The following DCHS2 variants were observed in gnomAD, a reference collection of about 807,000 sequenced individuals.
The protein encoded by DCHS2 is protocadherin-23.
DCHS2 carries 142 observed loss-of-function variants against 182.4 expected under a neutral mutation model. The observed-to-expected ratio is 0.78, with a 90% CI of 0.68 to 0.89. DCHS2 has a LOEUF of 0.89. Among genes scored for constraint, DCHS2 ranks in the 40% least tolerant of loss-of-function variants. The pLI is 0.00. For synonymous variants in DCHS2, 1,740 were observed against 1,663.3 expected (o/e 1.05, Z -1.12); for missense variants, 4,319 against 4,198.6 (o/e 1.03, Z -0.79).
At chr4:154,253,240 T>C (rs1732475686) in intron 16 of DCHS2, among the ~76,000 whole-genome samples, 1 of 151,832 alleles carries the variant, frequency 6.6e-6, no homozygotes, top group Non-Finnish European at 1.5e-5. Flanking sequence ...TCTGTGGCAG[T>C]GTGTAGGGGG....
At chr4:154,436,730 T>G (rs1733796155) in intron 1 of DCHS2, among the ~76,000 whole-genome samples, 1 of 152,188 alleles carries the variant, frequency 6.6e-6, no homozygotes, top group Non-Finnish European at 1.5e-5. Flanking sequence ...CTTTTACTGT[T>G]TTATGGTTCA....
intron 1 of DCHS2, among the ~76,000 whole-genome samples, chr4:154,466,933 A>C (rs769755864): frequency 6.6e-6 from 1 of 152,182 alleles, no homozygotes; most frequent in African/African-American, 2.4e-5. Context: ...CTTGGTCAAC[A>C]AGGTTCCAAG....
At chr4:154,385,287 T>C (rs1176360972) in intron 1 of DCHS2, among the ~76,000 whole-genome samples, 1 of 152,210 alleles carries the variant, frequency 6.6e-6, no homozygotes, top group Non-Finnish European at 1.5e-5. Context: ...TATTCCATTG[T>C]GTATATGTGC....
chr4:154,234,343 A>C lies in DCHS2; in HGVS notation c.*193T>G, dbSNP rs928710568. 77 of 734,132 alleles carry C rather than the reference A, an allele frequency of 1.0e-4. No individual in the cohort carries two copies. Among genetic ancestry groups the C allele is most frequent in the Non-Finnish European group, 2.7e-5 (13 of 476,138 alleles). 45.5% of individuals were successfully genotyped at this position (734,132 alleles called of 1,614,324 possible). On this transcript the variant is annotated 3_prime_UTR_variant, in exon 20 of 20. Transcript: ENST00000357232. ...TCCTGAGAGCAACACATAAGGATTA[A>C]AAGAGGAAATAACTTTTCATTAAGG...
At chr4:154,411,006 G>A (rs1000185006) in intron 1 of DCHS2, among the ~76,000 whole-genome samples, 1 of 152,156 alleles carries the variant, frequency 6.6e-6, no homozygotes, top group Admixed American at 6.5e-5. Context: ...AACAAAAACT[G>A]TCAGTCAAGA....
chr4:154,309,136 A>T (rs1735575748), intron 10 of DCHS2, among the ~76,000 whole-genome samples: 1 of 152,110 alleles, frequency 6.6e-6, no homozygotes, highest in Non-Finnish European at 1.5e-5. Context: ...CTTTCTGCTG[A>T]GGCCTTTGTA....
At chr4:154,268,375 A>T (rs1374521962) in intron 14 of DCHS2, among the ~76,000 whole-genome samples, 1 of 152,188 alleles carries the variant, frequency 6.6e-6, no homozygotes, top group Non-Finnish European at 1.5e-5. Flanking sequence ...TGTGACAGTG[A>T]AACTGAGAAT....
Position 154,233,629 on chromosome 4 carries a change from T to G in DCHS2, c.*907A>C, listed in dbSNP as rs2111072154. The G allele has an allele frequency of 6.6e-6, 1 of 152,246 alleles. No homozygotes were observed. Among genetic ancestry groups the G allele is most frequent in the South Asian group, 2.1e-4 (1 of 4,812 alleles). The allele number at this position is 152,246 out of a possible 1,614,324, so 9.4% of individuals were successfully genotyped here. On this transcript the variant is annotated 3_prime_UTR_variant, in exon 20 of 20. Transcript: ENST00000357232. Reference sequence around the variant, plus strand: ...TATTTCACACAAAAAAGTTACTGTATCTAGAAGAAAATAAAATGAAGACAT... The same window carrying G: ...TATTTCACACAAAAAAGTTACTGTAGCTAGAAGAAAATAAAATGAAGACAT...
intron 1 of DCHS2, among the ~76,000 whole-genome samples, chr4:154,389,538 C>A (rs1207162537): frequency 2.6e-4 from 15 of 58,762 alleles, no homozygotes; most frequent in Non-Finnish European, 6.1e-4. Flanking sequence ...ATATATATAA[C>A]CTTTTTTTAA....
chr4:154,379,505 T>A (rs1020857203), intron 1 of DCHS2, among the ~76,000 whole-genome samples: 1 of 152,156 alleles, frequency 6.6e-6, no homozygotes, highest in African/African-American at 2.4e-5. Flanking sequence ...TAGTGAAACT[T>A]AAGCACGAGG....
At chr4:154,303,804 T>C (rs1735319038) in intron 12 of DCHS2, among the ~76,000 whole-genome samples, 1 of 152,210 alleles carries the variant, frequency 6.6e-6, no homozygotes, top group Non-Finnish European at 1.5e-5. Flanking sequence ...TGTTGAAAAC[T>C]GATAATAATG....
At position 154,348,358 on chromosome 4, in the gene DCHS2, G is replaced by A. The variant is rs74535194; in HGVS notation, c.2477-13254C>T. Reference sequence around the variant, plus strand: ...ACCTGACAGTGGTCCTCACAGTTGCGGGAGTACCATGGAAAGGTCATAAAT... The same window carrying A: ...ACCTGACAGTGGTCCTCACAGTTGCAGGAGTACCATGGAAAGGTCATAAAT... On this transcript the variant is annotated intron_variant, in intron 3 of 19. Coordinates refer to ENST00000357232, the MANE Select transcript of DCHS2 (RefSeq NM_001358235.2). 6.9e-3 allele frequency among the ~76,000 whole-genome samples: 1,051 copies of A among 151,928 alleles called. 37 individuals carry two copies. Among genetic ancestry groups the A allele is most frequent in the African/African-American group, 0.024 (997 of 41,256 alleles).
Position 154,329,630 on chromosome 4 carries a change from A to G in DCHS2, c.3811T>C (p.Ser1271Pro). The change falls in exon 6 of 20, where the codon TCC (serine) becomes CCC (proline). Residue 1271 changes from serine (S) to proline (P), a missense_variant. By Grantham distance (74) the Ser-to-Pro change is moderately conservative (BLOSUM62 -1). Transcript: ENST00000357232. ...GCCATGGTGGCGTTTCGTGGTGGGGAGCCGCGGTCTGTCACTAGCACAGTC... is the reference window on the plus strand; with the variant it reads ...GCCATGGTGGCGTTTCGTGGTGGGGGGCCGCGGTCTGTCACTAGCACAGTC... ...EMTVLVTDRG[S>P]PPRNATMAVY... 2 of 1,612,672 alleles carry G rather than the reference A, an allele frequency of 1.2e-6. No individual in the cohort carries two copies. The highest frequency in any genetic ancestry group is 1.7e-6 in the Non-Finnish European group (2 of 1,179,846).
intron 13 of DCHS2, among the ~76,000 whole-genome samples, chr4:154,291,240 A>C (rs140453910): frequency 2.6e-5 from 4 of 152,262 alleles, no homozygotes; most frequent in Non-Finnish European, 5.9e-5. Flanking sequence ...CTACAGTGAA[A>C]TATCATCTCA....
chr4:154,293,686 A>G (rs1024714880), intron 13 of DCHS2, among the ~76,000 whole-genome samples: 1 of 151,918 alleles, frequency 6.6e-6, no homozygotes. Flanking sequence ...CTCCTAACTC[A>G]TTTCTCTCCT....
chr4:154,349,441 G>C (rs1020002367), intron 3 of DCHS2, among the ~76,000 whole-genome samples: 1 of 152,126 alleles, frequency 6.6e-6, no homozygotes, highest in African/African-American at 2.4e-5. Flanking sequence ...TGGGCCTAGC[G>C]CAGGAGCTCC....
chr4:154,441,317 A>T (rs1005811245), intron 1 of DCHS2, among the ~76,000 whole-genome samples: 1 of 152,220 alleles, frequency 6.6e-6, no homozygotes, highest in African/African-American at 2.4e-5. Flanking sequence ...CAAAAAAGAT[A>T]ACATTCTGAA....
chr4:154,427,513 T>C (rs1241561341), intron 1 of DCHS2, among the ~76,000 whole-genome samples: 2 of 152,234 alleles, frequency 1.3e-5, no homozygotes, highest in Admixed American at 1.3e-4. Context: ...CCTGAACCTA[T>C]TCTGGTTCTG....
chr4:154,414,550 T>C (rs1190074218), intron 1 of DCHS2, among the ~76,000 whole-genome samples: 1 of 148,022 alleles, frequency 6.8e-6, no homozygotes, highest in Non-Finnish European at 1.5e-5. Context: ...AATTAGGCCG[T>C]AATTCAAGAA....
Sources: allele counts gnomAD v4.1 joint callset (sites outside exome capture counted in the v4.1 genomes callset), GRCh38; gene constraint gnomAD v4.1.1; transcripts MANE v1.5; gene names NCBI Gene and HGNC (gene_info 2026-07-23, HGNC 2026-07-21).